PUM2: variants seen among roughly 807,000 people sequenced by gnomAD.
PUM2 encodes the protein pumilio RNA binding family member 2, also known as pumilio homolog 2.
A neutral mutation model predicts 124.5 loss-of-function variants in PUM2; 57 were observed. That is an observed-to-expected ratio of 0.46 (90% CI 0.37 to 0.57). The LOEUF (loss-of-function observed/expected upper bound fraction) is 0.57, where lower values mean the gene tolerates loss of function less well. PUM2 is among the 20% of genes least tolerant of loss of function. The pLI is 0.00. For synonymous variants in PUM2, 460 were observed against 446.1 expected (o/e 1.03, Z -0.39); for missense variants, 1,065 against 1,290.6 (o/e 0.83, Z 2.68).
At position 20,278,750 on chromosome 2, in the gene PUM2, C is replaced by G. The variant is rs369656841; in HGVS notation, c.1790G>C (p.Arg597Thr). 1.9e-6 allele frequency: 3 copies of G among 1,613,398 alleles called. No homozygotes were observed. Among genetic ancestry groups the G allele is most frequent in the Non-Finnish European group, 2.5e-6 (3 of 1,179,686 alleles). Reference protein sequence around the residue: ...SLSTSSDLYKRSSSSLAPIGQ... With the variant: ...SLSTSSDLYKTSSSSLAPIGQ... ...TATGGGTGCTAGGCTGCTACTAGAT[C>G]TTTTGTACAAGTCAGAGCTAGTAGA... The change falls in exon 13 of 21, where the codon AGA becomes ACA. Residue 597 changes from arginine (R) to threonine (T), a missense_variant. Transcript: ENST00000361078.
At position 20,248,803 on chromosome 2, in the gene PUM2, GAAGTT is replaced by G. The variant is rs1326781049; in HGVS notation, c.*2777_*2781del. ...ATTTATACATAATATACAAAGAAGT[GAAGTT>G]AACATTATTTCATATGAACCAATAA... On this transcript the variant is annotated 3_prime_UTR_variant, in exon 21 of 21. Coordinates refer to ENST00000361078, the MANE Select transcript of PUM2 (RefSeq NM_015317.5). 1 of 152,616 alleles carries G rather than the reference GAAGTT, an allele frequency of 6.6e-6. No homozygotes were observed. Among genetic ancestry groups the G allele is most frequent in the African/African-American group, 2.4e-5 (1 of 41,438 alleles). The allele number at this position is 152,616 out of a possible 1,614,324, so 9.5% of individuals were successfully genotyped here.
intron 8 of PUM2, among the ~76,000 whole-genome samples, chr2:20,295,475 T>G (rs1044874216): frequency 2.0e-5 from 3 of 152,072 alleles, no homozygotes; most frequent in African/African-American, 7.2e-5. Flanking sequence ...TTTCTACAGA[T>G]AGCCAGGTAA....
rs961531325 is a variant in PUM2, at chr2:20,331,168, A to G, written c.-18-3790T>C. Among the ~76,000 whole-genome samples, 88 of 151,888 alleles carry G rather than the reference A, an allele frequency of 5.8e-4. 2 individuals are homozygous for G. Among genetic ancestry groups the G allele is most frequent in the African/African-American group, 2.0e-3 (82 of 41,476 alleles). Reference sequence around the variant, plus strand: ...ACCACACGCGTTGTTTGGGAATAGAAAGAATGAAAGGGTAGGGGATGAGAA... The same window carrying G: ...ACCACACGCGTTGTTTGGGAATAGAGAGAATGAAAGGGTAGGGGATGAGAA... On this transcript the variant is annotated intron_variant, in intron 1 of 20. Transcript: ENST00000361078.
chr2:20,269,220 A>G (rs1668461583), intron 13 of PUM2, among the ~76,000 whole-genome samples: 1 of 152,038 alleles, frequency 6.6e-6, no homozygotes, highest in Non-Finnish European at 1.5e-5. Context: ...ATTATTTTTG[A>G]GACGGAGTGC....
chr2:20,311,621 G>C lies in PUM2; in HGVS notation c.391C>G (p.Gln131Glu), dbSNP rs746036914. The stretch of plus-strand genomic sequence containing the variant: ...TCAAATGGAGAAGCCTTGCCTTTTT[G>C]ATCTCCTTTCTCAGGTCCATCTGTT... ...AETDGPEKGD[Q>E]KGKASPFEED... The change falls in exon 5 of 21, where the codon CAA becomes GAA. Residue 131 changes from glutamine (Q) to glutamate (E), a missense_variant. Gln to Glu is a conservative substitution (Grantham distance 29). Around this residue, in one of 3 missense-constraint regions of PUM2, gnomAD observed 968 missense variants for 1,159.8 expected, o/e 0.83. Transcript: ENST00000361078. The C allele has an allele frequency of 6.2e-6, 10 of 1,613,058 alleles. No individual in the cohort carries two copies. In the East Asian group the frequency reaches 8.9e-5, roughly 14 times the overall value.
At chr2:20,264,414 A>G (rs114167558) in intron 13 of PUM2, among the ~76,000 whole-genome samples, 1,605 of 132,334 alleles carry the variant, frequency 0.012, 57 homozygotes, top group African/African-American at 0.041. Context: ...TAAATCCACT[A>G]TTTCACAAAC....
chr2:20,336,320 G>C (rs1004695112), intron 1 of PUM2, among the ~76,000 whole-genome samples: 10 of 151,962 alleles, frequency 6.6e-5, no homozygotes, highest in Middle Eastern at 3.4e-3. Context: ...AAGGAGCTGG[G>C]ACTACAAATG....
chr2:20,263,523 A>C, intron 13 of PUM2, 63 bp from the exon 14 acceptor site: 1 of 1,492,640 alleles, frequency 6.7e-7, no homozygotes. Context: ...AATAAAATTT[A>C]CTTTAGCTAC....
At chr2:20,326,224 A>C in intron 2 of PUM2, 1 of 1,281,128 alleles carries the variant, frequency 7.8e-7, no homozygotes, top group South Asian at 1.3e-5. Context: ...TAACAAATTT[A>C]TTTTGGCAAT....
In PUM2 at chr2:20,263,477, A is replaced by G. The variant is rs1666788900; in HGVS notation, c.1958-17T>C. ...TCAGTCCTCCTACAACAAAGCAGCTATGGTCAGCAAGTATTTTTGACAAAG... is the reference window on the plus strand; with the variant it reads ...TCAGTCCTCCTACAACAAAGCAGCTGTGGTCAGCAAGTATTTTTGACAAAG... On this transcript the variant is annotated splice_polypyrimidine_tract_variant and intron_variant, in intron 13 of 20. Coordinates refer to ENST00000361078, the MANE Select transcript of PUM2 (RefSeq NM_015317.5). The G allele has an allele frequency of 1.3e-6, 2 of 1,567,804 alleles. No individual in the cohort carries two copies. Among genetic ancestry groups the G allele is most frequent in the African/African-American group, 1.4e-5 (1 of 73,858 alleles).
chr2:20,306,999 G>A (rs1678489445), intron 7 of PUM2, among the ~76,000 whole-genome samples: 1 of 151,862 alleles, frequency 6.6e-6, no homozygotes, highest in African/African-American at 2.4e-5. Flanking sequence ...CTGATCACCT[G>A]AGATCCGGAG....
chr2:20,252,085 A>G (rs1419654078), intron 20 of PUM2, among the ~76,000 whole-genome samples: 1 of 152,232 alleles, frequency 6.6e-6, no homozygotes, highest in Non-Finnish European at 1.5e-5. Flanking sequence ...GAGGATCCAA[A>G]TATAATAAAT....
chr2:20,262,628 A>G (rs993327364), intron 14 of PUM2, among the ~76,000 whole-genome samples: 2 of 152,372 alleles, frequency 1.3e-5, no homozygotes, highest in East Asian at 3.8e-4. Flanking sequence ...CTTGAGGTTT[A>G]CCTTAAAGCT....
intron 1 of PUM2, among the ~76,000 whole-genome samples, chr2:20,334,878 T>G (rs1262231370): frequency 6.6e-6 from 1 of 152,072 alleles, no homozygotes; most frequent in Non-Finnish European, 1.5e-5. Context: ...CCTAGTTGAG[T>G]CACAAATAAG....
intron 1 of PUM2, among the ~76,000 whole-genome samples, chr2:20,328,005 A>G (rs1684074368): frequency 6.6e-6 from 1 of 152,186 alleles, no homozygotes; most frequent in East Asian, 1.9e-4. Context: ...TGACCACCAC[A>G]AAAGTCACAG....
At chr2:20,299,876 C>A (rs774855977) in intron 7 of PUM2, among the ~76,000 whole-genome samples, 1 of 152,008 alleles carries the variant, frequency 6.6e-6, no homozygotes, top group Non-Finnish European at 1.5e-5. Flanking sequence ...AATATAAGGG[C>A]CATAGGTACA....
Position 20,279,205 on chromosome 2 carries a change from C to T in PUM2, c.1721-386G>A, listed in dbSNP as rs140946715. Among the ~76,000 whole-genome samples the T allele has an allele frequency of 3.7e-3, 562 of 152,158 alleles. 6 individuals are homozygous for T. Among genetic ancestry groups the T allele is most frequent in the African/African-American group, 0.013 (548 of 41,518 alleles). On this transcript the variant is annotated intron_variant, in intron 12 of 20. Transcript: ENST00000361078. The stretch of plus-strand genomic sequence containing the variant: ...TCTGATAGTATCCTAATCTCTGAAA[C>T]CTGCTTCTTAGACTTTAACTCAATG...
intron 14 of PUM2, 137 bp downstream of exon 14, chr2:20,263,056 A>G: frequency 1.3e-6 from 1 of 763,670 alleles, no homozygotes. Context: ...TGAAAGAAAA[A>G]ACATATAATC....
intron 1 of PUM2, among the ~76,000 whole-genome samples, chr2:20,341,359 AAAC>A (rs1469244366): frequency 6.6e-6 from 1 of 152,244 alleles, no homozygotes; most frequent in African/African-American, 2.4e-5. Context: ...AAAAAAGTTA[AAAC>A]AATGAGCCAG....
Sources: allele counts gnomAD v4.1 joint callset (sites outside exome capture counted in the v4.1 genomes callset), GRCh38; gene constraint gnomAD v4.1.1; regional missense constraint gnomAD v4.1.1; transcripts MANE v1.5; gene names NCBI Gene and HGNC (gene_info 2026-07-23, HGNC 2026-07-21).